ALK: variants seen among roughly 807,000 people sequenced by gnomAD.
ALK encodes the protein ALK tyrosine kinase receptor.
Under a neutral mutation model 163.1 loss-of-function variants are expected in ALK, and 74 were observed. The observed-to-expected ratio is 0.45, with a 90% CI of 0.38 to 0.55. ALK has a LOEUF of 0.55. Ranked by LOEUF, ALK falls within the 20% of genes least tolerant of loss-of-function variation. The pLI is 0.00. For synonymous variants in ALK, 960 were observed against 843.2 expected (o/e 1.14, Z -2.40); for missense variants, 2,063 against 2,105.3 (o/e 0.98, Z 0.39).
chr2:29,833,415 C>T (rs1048426175), intron 1 of ALK, among the ~76,000 whole-genome samples: 4 of 152,184 alleles, frequency 2.6e-5, no homozygotes, highest in African/African-American at 2.4e-5. Flanking sequence ...TCTTTGGACA[C>T]GATCATCTCT....
chr2:29,193,128 G>A lies in ALK; in HGVS notation c.*96C>T, dbSNP rs1173214976. 5.2e-6 allele frequency: 7 copies of A among 1,346,902 alleles called. No individual in the cohort carries two copies. In the Admixed American group the frequency reaches 5.7e-5, roughly 11 times the overall value. The allele number at this position is 1,346,902 out of a possible 1,614,324, so 83.4% of individuals were successfully genotyped here. A position where few individuals can be genotyped will look rare whatever the true frequency, so the allele number is the denominator to read the frequency against. On this transcript the variant is annotated 3_prime_UTR_variant, in exon 29 of 29. Transcript: ENST00000389048. ...AAAATAGGTTGGCACAAAACAAAAC[G>A]TGACATTTGGTCTCTGGTTTGTGAA...
At chr2:29,531,127 T>C (rs1274470465) in intron 4 of ALK, among the ~76,000 whole-genome samples, 1 of 152,202 alleles carries the variant, frequency 6.6e-6, no homozygotes. Context: ...GGAAGCCAAG[T>C]CTAAGCATAG....
chr2:29,821,984 CT>C (rs1665061059), intron 1 of ALK, among the ~76,000 whole-genome samples: 1 of 152,204 alleles, frequency 6.6e-6, no homozygotes, highest in Admixed American at 6.5e-5. Context: ...TCAGGAAGCT[CT>C]CTCAGGCCCT....
intron 4 of ALK, among the ~76,000 whole-genome samples, chr2:29,454,145 T>C (rs1670891290): frequency 6.6e-6 from 1 of 152,114 alleles, no homozygotes; most frequent in Admixed American, 6.6e-5. Context: ...ACTAATTCAG[T>C]AAAATAGGGC....
At chr2:29,615,183 C>T (rs1037586427) in intron 3 of ALK, among the ~76,000 whole-genome samples, 1 of 151,600 alleles carries the variant, frequency 6.6e-6, no homozygotes, top group Non-Finnish European at 1.5e-5. Context: ...GGATGCTGTT[C>T]CCTCTTCTCC....
chr2:29,557,083 A>C (rs1457198519), intron 3 of ALK, among the ~76,000 whole-genome samples: 2 of 152,330 alleles, frequency 1.3e-5, no homozygotes, highest in East Asian at 3.9e-4. Context: ...ATAAAACCAC[A>C]TATATTTTGT....
At chr2:29,536,462 T>C (rs1673258885) in intron 3 of ALK, among the ~76,000 whole-genome samples, 1 of 152,186 alleles carries the variant, frequency 6.6e-6, no homozygotes, top group South Asian at 2.1e-4. Context: ...GAAACAGATG[T>C]CATTGCCATG....
intron 1 of ALK, among the ~76,000 whole-genome samples, chr2:29,723,304 C>T (rs1230886413): frequency 6.6e-6 from 1 of 152,206 alleles, no homozygotes; most frequent in Non-Finnish European, 1.5e-5. Context: ...GCCGAGGAAG[C>T]TCCTCCTACT....
At chr2:29,741,420 G>C (rs1680055204) in intron 1 of ALK, among the ~76,000 whole-genome samples, 1 of 152,186 alleles carries the variant, frequency 6.6e-6, no homozygotes, top group Non-Finnish European at 1.5e-5. Context: ...TGGGAGCAGG[G>C]AATATATGAG....
chr2:29,241,360 A>G (rs912503409), intron 12 of ALK, among the ~76,000 whole-genome samples: 2 of 152,052 alleles, frequency 1.3e-5, no homozygotes, highest in South Asian at 4.2e-4. Context: ...TCCTAGTAAG[A>G]GAAGAATCAT....
intron 11 of ALK, among the ~76,000 whole-genome samples, chr2:29,264,409 CAT>C (rs1003236212): frequency 1.1e-4 from 16 of 152,230 alleles, no homozygotes; most frequent in African/African-American, 3.9e-4. Context: ...CATTCACACA[CAT>C]GTGTGCTTGG....
intron 4 of ALK, among the ~76,000 whole-genome samples, chr2:29,484,160 G>T (rs1018475053): frequency 6.6e-6 from 1 of 152,062 alleles, no homozygotes; most frequent in African/African-American, 2.4e-5. Flanking sequence ...TACAATTCAC[G>T]ATGAGATTTG....
chr2:29,497,965 T>C (rs922724611), intron 4 of ALK, among the ~76,000 whole-genome samples: 4 of 152,226 alleles, frequency 2.6e-5, no homozygotes, highest in Non-Finnish European at 4.4e-5. Flanking sequence ...TACTATTACT[T>C]ATAATAAGTA....
chr2:29,265,550 A>G (rs1236453928), intron 11 of ALK, among the ~76,000 whole-genome samples: 1 of 152,218 alleles, frequency 6.6e-6, no homozygotes, highest in Non-Finnish European at 1.5e-5. Context: ...ACCACACACT[A>G]AGCCTTGTTT....
Position 29,920,701 on chromosome 2 carries a change from C to A in ALK, c.-42G>T. 1 of 1,504,888 alleles carries A rather than the reference C, an allele frequency of 6.6e-7. No homozygotes were observed. The highest frequency in any genetic ancestry group is 8.9e-7 in the Non-Finnish European group (1 of 1,121,232). The allele number at this position is 1,504,888 out of a possible 1,614,324, so 93.2% of individuals were successfully genotyped here. A position where few individuals can be genotyped will look rare whatever the true frequency, so the allele number is the denominator to read the frequency against. Reference sequence around the variant, plus strand: ...GTTTACACTGCTCTCCGGGCCCAGCCTCACCCTTCGCTCTCCCCGAGATGG... The same window carrying A: ...GTTTACACTGCTCTCCGGGCCCAGCATCACCCTTCGCTCTCCCCGAGATGG... On this transcript the variant is annotated 5_prime_UTR_variant, in exon 1 of 29. In the 5' UTR this introduces an upstream ATG that the reference lacks. Coordinates refer to ENST00000389048, the MANE Select transcript of ALK (RefSeq NM_004304.5).
chr2:29,812,703 G>T (rs1022097853), intron 1 of ALK, among the ~76,000 whole-genome samples: 6 of 152,124 alleles, frequency 3.9e-5, no homozygotes, highest in Non-Finnish European at 7.3e-5. Flanking sequence ...GTGCCATATA[G>T]AGGGGAGAAG....
intron 2 of ALK, among the ~76,000 whole-genome samples, chr2:29,708,318 C>A (rs1412209439): frequency 6.6e-5 from 10 of 152,126 alleles, no homozygotes; most frequent in Admixed American, 6.5e-4. Flanking sequence ...ATCCACCCAC[C>A]CTGGCCTCCC....
chr2:29,539,701 C>G (rs924703345), intron 3 of ALK, among the ~76,000 whole-genome samples: 1 of 152,214 alleles, frequency 6.6e-6, no homozygotes, highest in South Asian at 2.1e-4. Flanking sequence ...AACACAACAT[C>G]AAGTGGGACA....
intron 1 of ALK, among the ~76,000 whole-genome samples, chr2:29,750,701 C>CAGGA (rs1558471766): frequency 1.1e-4 from 11 of 96,444 alleles, no homozygotes; most frequent in Admixed American, 5.6e-4. Flanking sequence ...GGAAGGAAGG[C>CAGGA]AGGCAGGCAG....
Sources: gnomAD v4.1 joint callset for allele counts (sites outside exome capture counted in the v4.1 genomes callset) on GRCh38, gnomAD v4.1.1 for gene constraint, MANE v1.5 for transcripts, NCBI Gene and HGNC (gene_info 2026-07-23, HGNC 2026-07-21) for gene names.